The following NIF3L1 variants were observed in gnomAD, a reference collection of about 807,000 sequenced individuals.
NIF3L1 encodes the protein NGG1 interacting factor 3 like 1.
In NIF3L1, 26 loss-of-function variants were observed where a neutral mutation model predicts 35.0. The observed-to-expected ratio is 0.74, with a 90% CI of 0.54 to 1.03. The LOEUF is 1.03. NIF3L1 is among the 50% of genes least tolerant of loss of function. The probability of loss-of-function intolerance (pLI) is 0.00; values close to 1 mark genes in which losing one functional copy is unlikely to be tolerated. For synonymous variants in NIF3L1, 157 were observed against 178.9 expected (o/e 0.88, Z 0.98); for missense variants, 449 against 466.3 (o/e 0.96, Z 0.34).
At chr2:200,898,496 A>C (rs1010405822) in intron 5 of NIF3L1, among the ~76,000 whole-genome samples, 6 of 152,234 alleles carry the variant, frequency 3.9e-5, no homozygotes, top group African/African-American at 1.2e-4. Flanking sequence ...TGGGGATTAT[A>C]TTCAAGGTGA....
At chr2:200,890,902 T>G (rs2040171798) in intron 1 of NIF3L1, among the ~76,000 whole-genome samples, 1 of 152,140 alleles carries the variant, frequency 6.6e-6, no homozygotes, top group South Asian at 2.1e-4. Flanking sequence ...GTGACCTGCC[T>G]ATGTATTCCT....
chr2:200,898,496 A>T (rs1010405822), intron 5 of NIF3L1, among the ~76,000 whole-genome samples: 1 of 152,234 alleles, frequency 6.6e-6, no homozygotes, highest in African/African-American at 2.4e-5. Context: ...TGGGGATTAT[A>T]TTCAAGGTGA....
chr2:200,895,653 T>C (rs2040294137), intron 4 of NIF3L1, among the ~76,000 whole-genome samples: 1 of 152,216 alleles, frequency 6.6e-6, no homozygotes, highest in African/African-American at 2.4e-5. Flanking sequence ...AATGAGAGCA[T>C]AATATTCTCT....
At chr2:200,899,932 T>G (rs566449108) in intron 6 of NIF3L1, among the ~76,000 whole-genome samples, 2 of 152,302 alleles carry the variant, frequency 1.3e-5, no homozygotes, top group South Asian at 4.1e-4. Flanking sequence ...TATACTCTCC[T>G]GAAATTAACT....
Position 200,891,932 on chromosome 2 carries a change from C to T in NIF3L1, c.-12C>T. The stretch of plus-strand genomic sequence containing the variant: ...TTTGACATCAGAAACTTGAACTTTA[C>T]CTGATTTCTGTATGTTGTCATCTTG... On this transcript the variant is annotated 5_prime_UTR_variant, in exon 2 of 7. Coordinates refer to ENST00000409020, the MANE Select transcript of NIF3L1 (RefSeq NM_001369441.2). 1.3e-6 allele frequency: 2 copies of T among 1,575,624 alleles called. No individual in the cohort carries two copies. The highest frequency in any genetic ancestry group is 4.5e-5 in the East Asian group (2 of 44,126).
At position 200,892,093 on chromosome 2, in the gene NIF3L1, C is replaced by T; in HGVS notation, c.150C>T (p.Asp50=). ...FASLSFAESW[D]NVGLLVEPSP... ...CCCTCTCGTTTGCTGAGAGTTGGGACAATGTTGGATTACTGGTGGAACCAA... is the reference window on the plus strand; with the variant it reads ...CCCTCTCGTTTGCTGAGAGTTGGGATAATGTTGGATTACTGGTGGAACCAA... Residue 50 remains aspartate (D), a synonymous_variant, in exon 2 of 7, where the codon GAC becomes GAT. Transcript: ENST00000409020. The T allele has an allele frequency of 1.9e-6, 3 of 1,614,186 alleles. No homozygotes were observed. The highest frequency in any genetic ancestry group is 2.5e-6 in the Non-Finnish European group (3 of 1,180,032).
In NIF3L1 at chr2:200,899,388, C is replaced by G. The variant is rs1317841531; in HGVS notation, c.869C>G (p.Ser290Cys). 1.9e-6 allele frequency: 3 copies of G among 1,613,508 alleles called. No individual in the cohort carries two copies. The highest frequency in any genetic ancestry group is 1.7e-5 in the Admixed American group (1 of 60,024). ...LALGVGRTLE[S>C]QVKVVALCAG... ...TCTTGTTTCCTCTGTTTTGAAGAGT[C>G]TCAAGTCAAAGTCGTGGCCCTGTGT... Residue 290 changes from serine to cysteine, a missense_variant, in exon 6 of 7, where the codon TCT becomes TGT. Physicochemically the swap from Ser to Cys is moderately radical, Grantham distance 112. Transcript: ENST00000409020.
At chr2:200,894,762 G>T (rs2040269866) in intron 3 of NIF3L1, among the ~76,000 whole-genome samples, 1 of 142,338 alleles carries the variant, frequency 7.0e-6, no homozygotes, top group Non-Finnish European at 1.5e-5. Flanking sequence ...AAAATAATAA[G>T]ATAGGGTCCT....
chr2:200,891,022 G>T (rs1275174075), intron 1 of NIF3L1, among the ~76,000 whole-genome samples: 1 of 148,128 alleles, frequency 6.8e-6, no homozygotes. Context: ...GCTGTGGCAT[G>T]ATCTTGGCTC....
Position 200,893,335 on chromosome 2 carries a change from A to C in NIF3L1, c.526A>C (p.Thr176Pro). ...NHRVEFNVNY[T>P]QDLDKVMSAV... ...CCGAGTAGAATTCAACGTTAACTAC[A>C]CCCAAGACCTGGACAAAGTCATGTC... Residue 176 changes from threonine to proline, a missense_variant, in exon 3 of 7, where the codon ACC becomes CCC. By Grantham distance (38) the Thr-to-Pro change is conservative. Transcript: ENST00000409020. 2 of 1,613,094 alleles carry C rather than the reference A, an allele frequency of 1.2e-6. No individual in the cohort carries two copies. The highest frequency in any genetic ancestry group is 4.5e-5 in the East Asian group (2 of 44,792).
Position 200,892,342 on chromosome 2 carries a change from G to A in NIF3L1, c.399G>A (p.Ala133=), listed in dbSNP as rs751235894. 72 of 1,608,546 alleles carry A rather than the reference G, an allele frequency of 4.5e-5. 2 individuals carry two copies. The Middle Eastern group carries it at 2.2e-3, about 48-fold the overall frequency. ...CTCCTCATACAGCCTATGATGCTGC[G>A]CCCCAGGGCGTCAACAACTGGTTGG... The part of the protein sequence containing the change: ...IYSPHTAYDA[A]PQGVNNWLAK... The change falls in exon 2 of 7, where the codon GCG becomes GCA. Residue 133 remains alanine (A), a synonymous_variant. Transcript: ENST00000409020.
rs1435394276 is a variant in NIF3L1, at chr2:200,903,736, G to A, written c.*58G>A. On this transcript the variant is annotated 3_prime_UTR_variant, in exon 7 of 7. Coordinates refer to ENST00000409020, the MANE Select transcript of NIF3L1 (RefSeq NM_001369441.2). Reference sequence around the variant, plus strand: ...ATCAGCTGGATGCCAACTTAAATTTGTAACATGAGTCAGTGGGACTGGTGT... The same window carrying A: ...ATCAGCTGGATGCCAACTTAAATTTATAACATGAGTCAGTGGGACTGGTGT... The A allele has an allele frequency of 2.9e-6, 4 of 1,387,018 alleles. No individual in the cohort carries two copies. In the South Asian group the frequency reaches 3.5e-5, roughly 12 times the overall value. 85.9% of individuals were successfully genotyped at this position (1,387,018 alleles called of 1,614,324 possible). A position where few individuals can be genotyped will look rare whatever the true frequency, so the allele number is the denominator to read the frequency against.
chr2:200,900,231 C>G (rs2040390753), intron 6 of NIF3L1, among the ~76,000 whole-genome samples: 2 of 152,262 alleles, frequency 1.3e-5, no homozygotes, highest in Non-Finnish European at 2.9e-5. Flanking sequence ...GGGCCTTATA[C>G]TTTCTCATTT....
chr2:200,893,832 T>C (rs2040249203), intron 3 of NIF3L1, among the ~76,000 whole-genome samples: 1 of 152,198 alleles, frequency 6.6e-6, no homozygotes, highest in Non-Finnish European at 1.5e-5. Flanking sequence ...GTCTTTTTAT[T>C]TAACATCATG....
chr2:200,903,556 G>A lies in NIF3L1; in HGVS notation c.1012G>A (p.Glu338Lys). The change falls in exon 7 of 7, where the codon GAA becomes AAA. Residue 338 changes from glutamate (E) to lysine (K), a missense_variant. Physicochemically the swap from Glu to Lys is moderately conservative, Grantham distance 56. Transcript: ENST00000409020. ...ASQGINVILC[E>K]HSNTERGFLS... ...CCAAGGAATAAATGTCATCCTCTGT[G>A]AACACAGCAACACTGAACGAGGCTT... The A allele has an allele frequency of 6.2e-7, 1 of 1,614,046 alleles. No individual in the cohort carries two copies.
chr2:200,900,534 C>T (rs1251066501), intron 6 of NIF3L1, among the ~76,000 whole-genome samples: 2 of 151,798 alleles, frequency 1.3e-5, no homozygotes, highest in East Asian at 3.9e-4. Context: ...ATATAGCACA[C>T]TCTCTTACAA....
chr2:200,898,543 A>T (rs2040356373), intron 5 of NIF3L1, among the ~76,000 whole-genome samples: 1 of 152,166 alleles, frequency 6.6e-6, no homozygotes. Flanking sequence ...CCATATCAGT[A>T]ACTTATCTAA....
In NIF3L1 at chr2:200,893,325, C is replaced by T. The variant is rs754850747; in HGVS notation, c.516C>T (p.Asn172=). Residue 172 remains asparagine (N), a synonymous_variant, in exon 3 of 7, where the codon AAC becomes AAT. Coordinates refer to ENST00000409020, the MANE Select transcript of NIF3L1 (RefSeq NM_001369441.2). ...AGGGAAACCACCGAGTAGAATTCAA[C>T]GTTAACTACACCCAAGACCTGGACA... ...PTEGNHRVEF[N]VNYTQDLDKV... The T allele has an allele frequency of 2.7e-5, 44 of 1,612,086 alleles. No homozygotes were observed. The South Asian group carries it at 4.1e-4, about 15-fold the overall frequency.
At chr2:200,902,365 C>T (rs1011844455) in intron 6 of NIF3L1, among the ~76,000 whole-genome samples, 2 of 152,096 alleles carry the variant, frequency 1.3e-5, no homozygotes, top group African/African-American at 4.8e-5. Context: ...CCCAGCAGTT[C>T]GAGACCAGCC....
Sources: allele counts gnomAD v4.1 joint callset (sites outside exome capture counted in the v4.1 genomes callset), GRCh38; gene constraint gnomAD v4.1.1; transcripts MANE v1.5; gene names NCBI Gene and HGNC (gene_info 2026-07-23, HGNC 2026-07-21).